The following ZNF141 variants were observed in gnomAD, a reference collection of about 807,000 sequenced individuals.
ZNF141 encodes the protein zinc finger protein 141, also known as zinc finger protein 141 (clone pHZ-44).
ZNF141 carries 7 observed loss-of-function variants against 11.3 expected under a neutral mutation model. That is an observed-to-expected ratio of 0.62 (90% CI 0.35 to 1.16). The LOEUF (loss-of-function observed/expected upper bound fraction) is 1.16, where lower values mean the gene tolerates loss of function less well. Ranked by LOEUF, ZNF141 falls within the 50% of genes most tolerant of loss-of-function variation. ZNF141 has a pLI of 0.02. For missense variants in ZNF141, 535 were observed against 554.0 expected (o/e 0.97, Z 0.34); for synonymous variants, 183 against 190.7 (o/e 0.96, Z 0.33).
intron 1 of ZNF141, among the ~76,000 whole-genome samples, chr4:343,569 C>G (rs1264318558): frequency 2.0e-5 from 3 of 151,522 alleles, no homozygotes; most frequent in Non-Finnish European, 2.9e-5. Context: ...ACTAAAAATA[C>G]AAAAAATCAG....
Position 359,766 on chromosome 4 carries a change from G to A in ZNF141, c.227-12898G>A, listed in dbSNP as rs187435469. Among the ~76,000 whole-genome samples, 105 of 152,280 alleles carry A rather than the reference G, an allele frequency of 6.9e-4. No homozygotes were observed. In the East Asian group the frequency reaches 7.0e-3, roughly 10 times the overall value. On this transcript the variant is annotated intron_variant, in intron 3 of 3. Coordinates refer to ENST00000240499, the MANE Select transcript of ZNF141 (RefSeq NM_003441.4). ...ACTTGGAGCCAAGTTGTAGTGCCAC[G>A]TCAAGATCCACCATCAAATAAATAT...
intron 1 of ZNF141, chr4:342,819 A>C: frequency 1.2e-6 from 2 of 1,606,586 alleles, no homozygotes; most frequent in Non-Finnish European, 1.7e-6. Context: ...AAAAAATTCA[A>C]ACAGGTCCCC....
Position 378,177 on chromosome 4 carries a change from A to C in ZNF141, c.*4315A>C, listed in dbSNP as rs936161514. On this transcript the variant is annotated 3_prime_UTR_variant, in exon 4 of 4. Coordinates refer to ENST00000240499, the MANE Select transcript of ZNF141 (RefSeq NM_003441.4). ...AGACCCGTCTCAACAACAACAACAA[A>C]AAAGAAGAAAATTTTTAGGAGACAA... The C allele has an allele frequency of 6.6e-6, 1 of 152,178 alleles. No homozygotes were observed. Among genetic ancestry groups the C allele is most frequent in the Non-Finnish European group, 1.5e-5 (1 of 68,032 alleles). The allele number at this position is 152,178 out of a possible 1,614,324, so 9.4% of individuals were successfully genotyped here. A position where few individuals can be genotyped will look rare whatever the true frequency, so the allele number is the denominator to read the frequency against.
intron 3 of ZNF141, among the ~76,000 whole-genome samples, chr4:357,584 T>C (rs1308388766): frequency 6.6e-6 from 1 of 152,042 alleles, no homozygotes; most frequent in African/African-American, 2.4e-5. Flanking sequence ...CATTATACCT[T>C]TACACAATTA....
intron 3 of ZNF141, among the ~76,000 whole-genome samples, chr4:354,356 A>G (rs1553850949): frequency 6.6e-6 from 1 of 152,192 alleles, no homozygotes; most frequent in Non-Finnish European, 1.5e-5. Flanking sequence ...GCTGGAAATC[A>G]GGTTTCTATG....
rs1287688515 is a variant in ZNF141, at chr4:372,996, A to C, written c.559A>C (p.Thr187Pro). ...GKSFQKFSHL[T>P]QHKVIHAGEK... The stretch of plus-strand genomic sequence containing the variant: ...ATCATTTCAGAAGTTTTCACACCTA[A>C]CTCAACATAAGGTAATTCATGCTGG... The change falls in exon 4 of 4, where the codon ACT (threonine) becomes CCT (proline). Residue 187 changes from threonine to proline, a missense_variant. Thr to Pro is a conservative substitution (Grantham distance 38). Coordinates refer to ENST00000240499, the MANE Select transcript of ZNF141 (RefSeq NM_003441.4). 1 of 1,614,004 alleles carries C rather than the reference A, an allele frequency of 6.2e-7. No individual in the cohort carries two copies. The highest frequency in any genetic ancestry group is 8.5e-7 in the Non-Finnish European group (1 of 1,180,008).
chr4:377,090 T>C lies in ZNF141; in HGVS notation c.*3228T>C, dbSNP rs1712407013. On this transcript the variant is annotated 3_prime_UTR_variant, in exon 4 of 4. Transcript: ENST00000240499. ...AAGTTATTTTAGTTAGAACATTTCA[T>C]TTTGTTGTTTTAATTTAAGAACCCT... 1.3e-5 allele frequency among the ~76,000 whole-genome samples: 2 copies of C among 152,202 alleles called. No homozygotes were observed. Among genetic ancestry groups the C allele is most frequent in the South Asian group, 4.1e-4 (2 of 4,832 alleles).
intron 3 of ZNF141, among the ~76,000 whole-genome samples, chr4:347,869 G>A (rs1355729287): frequency 6.8e-6 from 1 of 147,968 alleles, no homozygotes; most frequent in Admixed American, 6.7e-5. Context: ...TTTTTTTGGA[G>A]ACAGAATTTC....
chr4:346,751 T>C (rs541661262), intron 3 of ZNF141, among the ~76,000 whole-genome samples: 14 of 152,156 alleles, frequency 9.2e-5, no homozygotes, highest in Non-Finnish European at 2.1e-4. Flanking sequence ...TTATTTCATT[T>C]AGCATAATGC....
In ZNF141 at chr4:343,825, A is replaced by G; in HGVS notation, c.47A>G (p.Glu16Gly). ...GATGTGGCCATAGAATTCTCTCCAG[A>G]AGAGTGGAAATGCCTGGACCCTGAC... ...FRDVAIEFSP[E>G]EWKCLDPDQQ... Residue 16 changes from glutamate (E) to glycine (G), a missense_variant, in exon 2 of 4, where the codon GAA becomes GGA. By Grantham distance (98) the Glu-to-Gly change is moderately conservative. Coordinates refer to ENST00000240499, the MANE Select transcript of ZNF141 (RefSeq NM_003441.4). The G allele has an allele frequency of 1.2e-6, 2 of 1,609,614 alleles. No homozygotes were observed. The highest frequency in any genetic ancestry group is 1.7e-6 in the Non-Finnish European group (2 of 1,179,020).
intron 3 of ZNF141, among the ~76,000 whole-genome samples, chr4:356,820 C>T (rs1458686607): frequency 2.6e-5 from 4 of 151,358 alleles, no homozygotes; most frequent in African/African-American, 7.3e-5. Context: ...TTCATGCTGT[C>T]ATCTTTTGTG....
At chr4:369,985 T>G (rs1711976664) in intron 3 of ZNF141, among the ~76,000 whole-genome samples, 1 of 151,466 alleles carries the variant, frequency 6.6e-6, no homozygotes, top group African/African-American at 2.4e-5. Flanking sequence ...CAGGATGATC[T>G]CGATCTCCTG....
intron 1 of ZNF141, among the ~76,000 whole-genome samples, chr4:339,983 A>G (rs760796645): frequency 6.6e-6 from 1 of 152,224 alleles, no homozygotes; most frequent in Non-Finnish European, 1.5e-5. Flanking sequence ...GGTACTGTCA[A>G]GTCTTCTACT....
At chr4:353,681 G>C (rs7439657) in intron 3 of ZNF141, among the ~76,000 whole-genome samples, 63,420 of 151,504 alleles carry the variant, frequency 0.42, 13,921 homozygotes, top group African/African-American at 0.56. Flanking sequence ...AGGCTAGTCT[G>C]GAACTCCTGA....
At position 379,980 on chromosome 4, in the gene ZNF141, G is replaced by A. The variant is rs1168489980; in HGVS notation, c.*6118G>A. Among the ~76,000 whole-genome samples, 4 of 152,200 alleles carry A rather than the reference G, an allele frequency of 2.6e-5. No homozygotes were observed. Among genetic ancestry groups the A allele is most frequent in the African/African-American group, 9.6e-5 (4 of 41,452 alleles). On this transcript the variant is annotated 3_prime_UTR_variant, in exon 4 of 4. Transcript: ENST00000240499. ...TATTGTTAACTGTAGTCACCATGCTGTACAATAGATTTCTTGAATTTATTC... is the reference window on the plus strand; with the variant it reads ...TATTGTTAACTGTAGTCACCATGCTATACAATAGATTTCTTGAATTTATTC...
At chr4:371,609 G>A (rs1224641768) in intron 3 of ZNF141, among the ~76,000 whole-genome samples, 2 of 150,288 alleles carry the variant, frequency 1.3e-5, no homozygotes, top group Admixed American at 6.7e-5. Context: ...GCATGATCTC[G>A]GCTCACTGCA....
intron 3 of ZNF141, among the ~76,000 whole-genome samples, chr4:354,508 A>G (rs1051199212): frequency 1.3e-5 from 2 of 152,142 alleles, no homozygotes; most frequent in Non-Finnish European, 2.9e-5. Flanking sequence ...AAACTTTTAT[A>G]TGTAAATTCT....
chr4:372,579 T>C, intron 3 of ZNF141, 85 bp from the exon 4 acceptor site: 3 of 1,212,018 alleles, frequency 2.5e-6, no homozygotes, highest in Non-Finnish European at 3.3e-6. Flanking sequence ...CTTACTAATG[T>C]ATTTTGAATA....
chr4:344,267 A>G lies in ZNF141; in HGVS notation c.131-68A>G, dbSNP rs559343899. On this transcript the variant is annotated intron_variant, in intron 2 of 3. Transcript: ENST00000240499. ...ATAATATCTCTATTCTGCTTAGCGT[A>G]GTACTAGGTTGGTAATTGGAGAATC... The G allele has an allele frequency of 3.0e-6, 4 of 1,322,950 alleles. No homozygotes were observed. In the African/African-American group the frequency reaches 5.9e-5, roughly 19 times the overall value. 82.0% of individuals were successfully genotyped at this position (1,322,950 alleles called of 1,614,324 possible).
Sources: allele counts gnomAD v4.1 joint callset (sites outside exome capture counted in the v4.1 genomes callset), GRCh38; gene constraint gnomAD v4.1.1; transcripts MANE v1.5; gene names NCBI Gene and HGNC (gene_info 2026-07-23, HGNC 2026-07-21).